GPC6: variants seen among roughly 807,000 people sequenced by gnomAD.
GPC6 encodes the protein glypican 6.
Under a neutral mutation model 55.2 loss-of-function variants are expected in GPC6, and 14 were observed. That is an observed-to-expected ratio of 0.25 (90% CI 0.17 to 0.40). The LOEUF (loss-of-function observed/expected upper bound fraction) is 0.40. Among genes scored for constraint, GPC6 ranks in the 10% least tolerant of loss-of-function variants. The pLI is 1.00. For missense variants in GPC6, 641 were observed against 708.5 expected, an observed-to-expected ratio of 0.90 and a Z score of 1.08; for synonymous variants, 278 against 259.6, an observed-to-expected ratio of 1.07 and a Z score of -0.68.
intron 1 of GPC6, among the ~76,000 whole-genome samples, chr13:93,455,085 G>A (rs1160721365): frequency 1.3e-5 from 2 of 152,198 alleles, no homozygotes; most frequent in East Asian, 3.9e-4. Context: ...TCCGAGTGCA[G>A]GGCCCGCCAA....
intron 2 of GPC6, among the ~76,000 whole-genome samples, chr13:93,579,576 T>C (rs1876839896): frequency 1.3e-5 from 2 of 152,102 alleles, no homozygotes; most frequent in Admixed American, 6.5e-5. Context: ...AAAGTTGTCC[T>C]GACTAGACTT....
chr13:94,182,070 C>G (rs1237744435), intron 4 of GPC6, among the ~76,000 whole-genome samples: 1 of 152,164 alleles, frequency 6.6e-6, no homozygotes. Flanking sequence ...TTGGCCCCTC[C>G]TCTCCCAAAT....
At chr13:93,321,960 T>G (rs1293723028) in intron 1 of GPC6, among the ~76,000 whole-genome samples, 8 of 152,134 alleles carry the variant, frequency 5.3e-5, no homozygotes, top group Non-Finnish European at 1.0e-4. Flanking sequence ...TCTTCCTCCC[T>G]TCTTCCCCCT....
chr13:93,643,949 A>G (rs1880067252), intron 2 of GPC6, among the ~76,000 whole-genome samples: 1 of 152,038 alleles, frequency 6.6e-6, no homozygotes, highest in Non-Finnish European at 1.5e-5. Flanking sequence ...TCCTGCTCTC[A>G]GTGGTACATT....
chr13:93,900,579 T>G (rs967942048), intron 3 of GPC6, among the ~76,000 whole-genome samples: 19 of 152,186 alleles, frequency 1.2e-4, no homozygotes, highest in Non-Finnish European at 1.5e-5. Flanking sequence ...TCTTTTGTTC[T>G]TCCCTAACCT....
intron 2 of GPC6, among the ~76,000 whole-genome samples, chr13:93,626,192 C>G (rs948365064): frequency 2.6e-5 from 4 of 152,156 alleles, no homozygotes; most frequent in African/African-American, 9.7e-5. Context: ...ACACACACAT[C>G]CTAAAGCAGG....
chr13:94,382,276 G>C, intron 6 of GPC6, 138 bp from the exon 7 acceptor site: 1 of 867,346 alleles, frequency 1.2e-6, no homozygotes, highest in African/African-American at 1.7e-5. Context: ...GCAGTGCAGT[G>C]TCTCTCTCTT....
intron 4 of GPC6, among the ~76,000 whole-genome samples, chr13:94,109,475 T>TTTTTTTTTTTTTTTTTTTTTTTTTA (rs1886165836): frequency 6.6e-6 from 1 of 152,198 alleles, no homozygotes; most frequent in Non-Finnish European, 1.5e-5. Flanking sequence ...TATTTTAGTC[T>TTTTTTTTTTTTTTTTTTTTTTTTTA]ACAATGAAGA....
intron 1 of GPC6, among the ~76,000 whole-genome samples, chr13:93,316,512 G>A (rs539450000): frequency 5.1e-4 from 77 of 152,094 alleles, no homozygotes; most frequent in African/African-American, 1.8e-3. Context: ...GGTATAATGT[G>A]AAAGTATGCT....
chr13:93,228,727 GT>G (rs1194749563), intron 1 of GPC6, among the ~76,000 whole-genome samples: 2 of 152,210 alleles, frequency 1.3e-5, no homozygotes, highest in Admixed American at 1.3e-4. Flanking sequence ...GGCAGCTGAA[GT>G]CCTTAGTGAC....
At chr13:94,254,446 C>T (rs1420298584) in intron 4 of GPC6, among the ~76,000 whole-genome samples, 1 of 151,984 alleles carries the variant, frequency 6.6e-6, no homozygotes, top group African/African-American at 2.4e-5. Flanking sequence ...TGCAATATTC[C>T]AAACATATCC....
intron 3 of GPC6, among the ~76,000 whole-genome samples, chr13:93,900,247 A>G (rs887132744): frequency 6.6e-6 from 1 of 152,150 alleles, no homozygotes; most frequent in Non-Finnish European, 1.5e-5. Flanking sequence ...TGGCTTCATG[A>G]ATCATAATTC....
chr13:93,672,261 T>C (rs1468400658), intron 2 of GPC6, among the ~76,000 whole-genome samples: 1 of 151,406 alleles, frequency 6.6e-6, no homozygotes, highest in East Asian at 2.0e-4. Flanking sequence ...TGAACACATA[T>C]ATGTTTAAGA....
At chr13:93,982,668 AAAAT>A (rs1156382792) in intron 3 of GPC6, among the ~76,000 whole-genome samples, 1 of 152,194 alleles carries the variant, frequency 6.6e-6, no homozygotes, top group Non-Finnish European at 1.5e-5. Context: ...AGGAAAGCCA[AAAAT>A]AACAATGGCT....
intron 3 of GPC6, among the ~76,000 whole-genome samples, chr13:93,995,867 A>T (rs1163313047): frequency 6.6e-6 from 1 of 152,176 alleles, no homozygotes; most frequent in Non-Finnish European, 1.5e-5. Flanking sequence ...ATCTTAAGTA[A>T]AAATTGCCCC....
At chr13:93,834,575 A>AGT (rs145637968) in intron 3 of GPC6, among the ~76,000 whole-genome samples, 177 of 150,214 alleles carry the variant, frequency 1.2e-3, no homozygotes, top group Middle Eastern at 3.4e-3. Flanking sequence ...GTGCTTGAGG[A>AGT]GTGTGTGTGT....
intron 1 of GPC6, among the ~76,000 whole-genome samples, chr13:93,250,262 A>G (rs1341056616): frequency 6.6e-6 from 1 of 152,208 alleles, no homozygotes; most frequent in Non-Finnish European, 1.5e-5. Context: ...AGAGTAGAGG[A>G]GGAAATAAAT....
chr13:93,837,997 C>A (rs941014215), intron 3 of GPC6, among the ~76,000 whole-genome samples: 1 of 152,240 alleles, frequency 6.6e-6, no homozygotes, highest in Non-Finnish European at 1.5e-5. Context: ...GAGACCTTAA[C>A]TGAACCCTTG....
chr13:94,020,695 C>T (rs1291390921), intron 3 of GPC6, among the ~76,000 whole-genome samples: 1 of 152,134 alleles, frequency 6.6e-6, no homozygotes, highest in Non-Finnish European at 1.5e-5. Flanking sequence ...GTTCCCTTTA[C>T]ATTGCATTTC....
Sources: gnomAD v4.1 joint callset for allele counts (sites outside exome capture counted in the v4.1 genomes callset) on GRCh38, gnomAD v4.1.1 for gene constraint, MANE v1.5 for transcripts, NCBI Gene and HGNC (gene_info 2026-07-23, HGNC 2026-07-21) for gene names.